The following ATF6 variants were observed in gnomAD, a reference collection of about 807,000 sequenced individuals.
ATF6 encodes the protein cyclic AMP-dependent transcription factor ATF-6 alpha.
In ATF6, 53 loss-of-function variants were observed where a neutral mutation model predicts 83.6. That is an observed-to-expected ratio of 0.63 (90% CI 0.51 to 0.80). ATF6 has a LOEUF of 0.80. Ranked by LOEUF, ATF6 falls within the 30% of genes least tolerant of loss-of-function variation. The pLI is 0.00. For missense variants in ATF6, 744 were observed against 797.9 expected (o/e 0.93, Z 0.81); for synonymous variants, 288 against 285.8 (o/e 1.01, Z -0.08).
intron 14 of ATF6, among the ~76,000 whole-genome samples, chr1:161,898,658 C>T (rs1687723725): frequency 6.6e-6 from 1 of 152,046 alleles, no homozygotes; most frequent in South Asian, 2.1e-4. Context: ...AGCAATTCTC[C>T]TGCCTTAGCC....
intron 14 of ATF6, among the ~76,000 whole-genome samples, chr1:161,897,171 C>T (rs1009612099): frequency 6.6e-6 from 1 of 152,098 alleles, no homozygotes; most frequent in African/African-American, 2.4e-5. Flanking sequence ...CGGTGGCACA[C>T]ACCTGTAATC....
intron 1 of ATF6, among the ~76,000 whole-genome samples, chr1:161,769,341 C>G (rs1481471532): frequency 2.0e-5 from 3 of 152,208 alleles, no homozygotes; most frequent in African/African-American, 4.8e-5. Flanking sequence ...CCAGCTTCTC[C>G]TATTGGTAAC....
chr1:161,941,533 T>A (rs1688641410), intron 15 of ATF6, among the ~76,000 whole-genome samples: 1 of 152,214 alleles, frequency 6.6e-6, no homozygotes, highest in South Asian at 2.1e-4. Flanking sequence ...GTTTATGGCC[T>A]GTATTTGCTG....
At chr1:161,936,983 C>G (rs189302814) in intron 15 of ATF6, among the ~76,000 whole-genome samples, 4 of 152,278 alleles carry the variant, frequency 2.6e-5, no homozygotes, top group East Asian at 3.9e-4. Context: ...TATCTAATCC[C>G]TCAGCAAACT....
rs749468359 is a variant in ATF6, at chr1:161,958,508, A to G, written c.1867A>G (p.Thr623Ala). The change falls in exon 16 of 16, where the codon ACC becomes GCC. Residue 623 changes from threonine (T) to alanine (A), a missense_variant. Physicochemically the swap from Thr to Ala is moderately conservative, Grantham distance 58. Coordinates refer to ENST00000367942, the MANE Select transcript of ATF6 (RefSeq NM_007348.4). ...MMQIDCQVMD[T>A]RILHIKSSSV... ...GCAGATTGACTGTCAGGTGATGGAC[A>G]CCAGGATCCTCCATATCAAAAGTTC... is the stretch of plus-strand genomic sequence containing the variant. The G allele has an allele frequency of 1.2e-6, 2 of 1,613,824 alleles. No individual in the cohort carries two copies. Among genetic ancestry groups the G allele is most frequent in the South Asian group, 1.1e-5 (1 of 91,032 alleles).
At chr1:161,943,614 C>CT (rs1203901010) in intron 15 of ATF6, among the ~76,000 whole-genome samples, 2 of 152,096 alleles carry the variant, frequency 1.3e-5, no homozygotes, top group Non-Finnish European at 2.9e-5. Context: ...TCAGGGCACG[C>CT]TCCTGCCTCA....
intron 14 of ATF6, among the ~76,000 whole-genome samples, chr1:161,897,489 T>C (rs954154105): frequency 6.6e-6 from 1 of 152,150 alleles, no homozygotes; most frequent in African/African-American, 2.4e-5. Flanking sequence ...CCCCACCTTC[T>C]AACCTTCAGC....
At chr1:161,841,089 G>A (rs1686345720) in intron 9 of ATF6, among the ~76,000 whole-genome samples, 1 of 152,082 alleles carries the variant, frequency 6.6e-6, no homozygotes. Flanking sequence ...GGGGACATTT[G>A]AATGATGCAA....
intron 15 of ATF6, among the ~76,000 whole-genome samples, chr1:161,937,236 C>A (rs915153678): frequency 6.6e-6 from 1 of 151,296 alleles, no homozygotes; most frequent in Non-Finnish European, 1.5e-5. Context: ...CCCTGCTACT[C>A]GGGAGGCTGA....
intron 10 of ATF6, among the ~76,000 whole-genome samples, chr1:161,847,419 G>T (rs1414041266): frequency 6.6e-6 from 1 of 152,058 alleles, no homozygotes; most frequent in African/African-American, 2.4e-5. Context: ...AATCCTGCAG[G>T]CTTGTCTCCA....
intron 15 of ATF6, among the ~76,000 whole-genome samples, chr1:161,925,793 AAATGT>A (rs1688300489): frequency 6.6e-6 from 1 of 152,226 alleles, no homozygotes; most frequent in African/African-American, 2.4e-5. Context: ...TCTAAGAAAA[AAATGT>A]AATTAATTAA....
chr1:161,851,776 A>G lies in ATF6; in HGVS notation c.1374A>G (p.Pro458=). The G allele has an allele frequency of 1.2e-6, 2 of 1,613,988 alleles. No individual in the cohort carries two copies. The highest frequency in any genetic ancestry group is 1.7e-6 in the Non-Finnish European group (2 of 1,179,906). ...DKALMVLTEE[P]LLYIPPPPCQ... Reference sequence around the variant, plus strand: ...CCCTGATGGTGCTAACTGAAGAACCATTGCTTTACATTCCTCCACCTCCTT... The same window carrying G: ...CCCTGATGGTGCTAACTGAAGAACCGTTGCTTTACATTCCTCCACCTCCTT... Residue 458 remains proline (P), a synonymous_variant, in exon 11 of 16, where the codon CCA becomes CCG. Transcript: ENST00000367942.
intron 14 of ATF6, among the ~76,000 whole-genome samples, chr1:161,900,888 A>C (rs1237736984): frequency 6.6e-6 from 1 of 152,150 alleles, no homozygotes; most frequent in African/African-American, 2.4e-5. Context: ...TTGATTAAAA[A>C]AAGTATTTTC....
At position 161,845,392 on chromosome 1, in the gene ATF6, GT is replaced by G. The variant is rs1243827832; in HGVS notation, c.1188-1055del. 2.6e-5 allele frequency among the ~76,000 whole-genome samples: 4 copies of G among 152,038 alleles called. No homozygotes were observed. The East Asian group carries it at 7.7e-4, about 29-fold the overall frequency. On this transcript the variant is annotated intron_variant, in intron 9 of 15. Transcript: ENST00000367942. The stretch of plus-strand genomic sequence containing the variant: ...TTTATGAGTAGTGTAAATTGTGTGG[GT>G]TGCATCATAAAACAAAGTGCGAACA...
intron 14 of ATF6, among the ~76,000 whole-genome samples, chr1:161,906,351 T>G (rs904918047): frequency 1.3e-5 from 2 of 152,222 alleles, no homozygotes; most frequent in Non-Finnish European, 2.9e-5. Context: ...AAGAAACCAT[T>G]TTGACCAAGA....
chr1:161,899,590 A>G (rs1687741829), intron 14 of ATF6, among the ~76,000 whole-genome samples: 1 of 152,214 alleles, frequency 6.6e-6, no homozygotes, highest in South Asian at 2.1e-4. Context: ...TAAGTTTATT[A>G]AGTCTTATTT....
chr1:161,788,440 T>C (rs946875465), intron 4 of ATF6, among the ~76,000 whole-genome samples: 4 of 152,208 alleles, frequency 2.6e-5, no homozygotes, highest in Non-Finnish European at 2.9e-5. Flanking sequence ...GAATTCCTCA[T>C]ATACTTGAAA....
chr1:161,892,633 T>G (rs1258470142), intron 14 of ATF6, among the ~76,000 whole-genome samples: 3 of 148,866 alleles, frequency 2.0e-5, no homozygotes, highest in Non-Finnish European at 4.5e-5. Flanking sequence ...TCATTCTTTT[T>G]TTTTTTTTTT....
At chr1:161,826,265 A>G (rs1685895526) in intron 9 of ATF6, among the ~76,000 whole-genome samples, 1 of 152,142 alleles carries the variant, frequency 6.6e-6, no homozygotes, top group African/African-American at 2.4e-5. Flanking sequence ...GAATTTTAGG[A>G]AAGAAAAGAC....
Sources: gnomAD v4.1 joint callset for allele counts (sites outside exome capture counted in the v4.1 genomes callset) on GRCh38, gnomAD v4.1.1 for gene constraint, MANE v1.5 for transcripts, NCBI Gene and HGNC (gene_info 2026-07-23, HGNC 2026-07-21) for gene names.